The following PCNX4 variants were observed in gnomAD, a reference collection of about 807,000 sequenced individuals.
PCNX4 encodes the protein pecanex 4.
In PCNX4, 103 loss-of-function variants were observed where a neutral mutation model predicts 107.2. That is an observed-to-expected ratio of 0.96 (90% CI 0.82 to 1.13). PCNX4 has a LOEUF of 1.13. PCNX4 is among the 50% of genes most tolerant of loss of function. PCNX4 has a pLI of 0.00. For missense variants in PCNX4, 1,528 were observed against 1,379.4 expected (o/e 1.11, Z -1.71); for synonymous variants, 541 against 481.7 (o/e 1.12, Z -1.61).
At chr14:60,101,120 A>G (rs916005614) in intron 1 of PCNX4, among the ~76,000 whole-genome samples, 4 of 152,156 alleles carry the variant, frequency 2.6e-5, no homozygotes, top group African/African-American at 9.7e-5. Flanking sequence ...AACTCATCCT[A>G]TTGTCAACCA....
In PCNX4 at chr14:60,108,147, C is replaced by T. The variant is rs754108930; in HGVS notation, c.509C>T (p.Thr170Ile). ...PNRITLLYGS[T>I]GGTALLFFFG... ...AGAATAACCTTGCTGTATGGCAGTA[C>T]AGGAGGCACTGCTCTACTATTCTTC... Residue 170 changes from threonine (T) to isoleucine (I), a missense_variant, in exon 2 of 11, where the codon ACA (threonine) becomes ATA (isoleucine). By Grantham distance (89) the Thr-to-Ile change is moderately conservative. Transcript: ENST00000406854. 2.4e-5 allele frequency: 38 copies of T among 1,612,846 alleles called. No individual in the cohort carries two copies. The highest frequency in any genetic ancestry group is 3.1e-5 in the Non-Finnish European group (37 of 1,179,868).
In PCNX4 at chr14:60,114,684, C is replaced by T. The variant is rs770146161; in HGVS notation, c.690-16C>T. ...ATATATTTCGTGTGATTTAAATGTT[C>T]TTTTTTTTTATATAGGTTTGTGGTA... is the stretch of plus-strand genomic sequence containing the variant. On this transcript the variant is annotated splice_polypyrimidine_tract_variant and intron_variant, in intron 2 of 10. Coordinates refer to ENST00000406854, the MANE Select transcript of PCNX4 (RefSeq NM_001330177.2). The T allele has an allele frequency of 6.4e-7, 1 of 1,566,646 alleles. No individual in the cohort carries two copies. Among genetic ancestry groups the T allele is most frequent in the East Asian group, 2.3e-5 (1 of 43,916 alleles).
intron 7 of PCNX4, 56 bp downstream of exon 7, chr14:60,118,748 AAAT>A: frequency 6.8e-7 from 1 of 1,471,982 alleles, no homozygotes; most frequent in Non-Finnish European, 9.0e-7. Flanking sequence ...AAGTACAAAA[AAAT>A]AACAAACAGG....
At chr14:60,093,890 G>T (rs1197031815) in intron 1 of PCNX4, among the ~76,000 whole-genome samples, 2 of 152,096 alleles carry the variant, frequency 1.3e-5, no homozygotes, top group Non-Finnish European at 2.9e-5. Context: ...CAGTCAAGGA[G>T]GTTTGAAATG....
chr14:60,113,954 C>T (rs562508335), intron 2 of PCNX4, among the ~76,000 whole-genome samples: 1 of 152,232 alleles, frequency 6.6e-6, no homozygotes, highest in South Asian at 2.1e-4. Context: ...TTGAGTTTCT[C>T]CACTTAAGGT....
rs1453890345 is a variant in PCNX4 at position 60,146,625 on chromosome 14, A to G, written c.*12404A>G. On this transcript the variant is annotated 3_prime_UTR_variant, in exon 11 of 11. Transcript: ENST00000406854. This position sits in a 1 kb window ranked among gnomAD's most constrained non-coding sequence, Gnocchi z 4.9. ...ATTATTCATAATAGCCAAGATATGG[A>G]AACAACCTAAGTGTCCATTAGTGAA... 2 of 152,186 alleles carry G rather than the reference A, an allele frequency of 1.3e-5. No homozygotes were observed. The highest frequency in any genetic ancestry group is 4.8e-5 in the African/African-American group (2 of 41,432). The allele number at this position is 152,186 out of a possible 1,614,324, so 9.4% of individuals were successfully genotyped here.
At chr14:60,126,817 A>G (rs549153559) in intron 10 of PCNX4, among the ~76,000 whole-genome samples, 2 of 152,324 alleles carry the variant, frequency 1.3e-5, no homozygotes, top group South Asian at 4.1e-4. Context: ...GTGTGATGCC[A>G]CTGAAAATAC....
chr14:60,136,950 A>G lies in PCNX4; in HGVS notation c.*2729A>G, dbSNP rs1235316358. 6.6e-6 allele frequency: 1 copy of G among 152,502 alleles called. No homozygotes were observed. Among genetic ancestry groups the G allele is most frequent in the Non-Finnish European group, 1.5e-5 (1 of 68,048 alleles). The allele number at this position is 152,502 out of a possible 1,614,324, so 9.4% of individuals were successfully genotyped here. A position where few individuals can be genotyped will look rare whatever the true frequency, so the allele number is the denominator to read the frequency against. On this transcript the variant is annotated 3_prime_UTR_variant, in exon 11 of 11. Transcript: ENST00000406854. The stretch of plus-strand genomic sequence containing the variant: ...AGGTCTGCAAAATAGCGGGGAGCTT[A>G]CAAAATGGTGCAGTTTGGACTAACA...
chr14:60,107,982 A>C lies in PCNX4; in HGVS notation c.344A>C (p.Glu115Ala), dbSNP rs1191162184. The C allele has an allele frequency of 6.2e-7, 1 of 1,612,870 alleles. No homozygotes were observed. Among genetic ancestry groups the C allele is most frequent in the Non-Finnish European group, 8.5e-7 (1 of 1,179,850 alleles). ...ACGGATATCTTAGCAGAGGAGGATGAGCATGAATTTACCAGTTGTACTGGT... is the reference window on the plus strand; with the variant it reads ...ACGGATATCTTAGCAGAGGAGGATGCGCATGAATTTACCAGTTGTACTGGT... Reference protein sequence around the residue: ...LTTDILAEEDEHEFTSCTGAE... With the variant: ...LTTDILAEEDAHEFTSCTGAE... The change falls in exon 2 of 11, where the codon GAG becomes GCG. Residue 115 changes from glutamate (E) to alanine (A), a missense_variant. Transcript: ENST00000406854.
intron 10 of PCNX4, among the ~76,000 whole-genome samples, chr14:60,131,048 A>G (rs1387376493): frequency 6.6e-6 from 1 of 152,146 alleles, no homozygotes; most frequent in Admixed American, 6.5e-5. Context: ...TGCTTAGAAC[A>G]GAATAAGAAG....
chr14:60,102,669 T>A (rs1202086000), intron 1 of PCNX4, among the ~76,000 whole-genome samples: 1 of 152,210 alleles, frequency 6.6e-6, no homozygotes, highest in Admixed American at 6.5e-5. Context: ...CCTTAAGTTC[T>A]CTTTTCACAG....
chr14:60,134,393 C>T lies in PCNX4; in HGVS notation c.*172C>T. 1.4e-6 allele frequency: 1 copy of T among 716,246 alleles called. No individual in the cohort carries two copies. Among genetic ancestry groups the T allele is most frequent in the African/African-American group, 1.8e-5 (1 of 56,624 alleles). The allele number at this position is 716,246 out of a possible 1,614,324, so 44.4% of individuals were successfully genotyped here. ...TAGCCATCTTAATGGTTCTAAAAAACAGCAAAAACATCTTTATGTCTAAGA... is the reference window on the plus strand; with the variant it reads ...TAGCCATCTTAATGGTTCTAAAAAATAGCAAAAACATCTTTATGTCTAAGA... On this transcript the variant is annotated 3_prime_UTR_variant, in exon 11 of 11. Transcript: ENST00000406854.
chr14:60,144,468 C>T lies in PCNX4; in HGVS notation c.*10247C>T, dbSNP rs1896347572. On this transcript the variant is annotated 3_prime_UTR_variant, in exon 11 of 11. Coordinates refer to ENST00000406854, the MANE Select transcript of PCNX4 (RefSeq NM_001330177.2). ...TTTGAAAGCATTTTGCTCCTCTTTC[C>T]CTTCTGTCCCTTCCACCATGTGAGG... 6.5e-6 allele frequency: 1 copy of T among 153,822 alleles called. No homozygotes were observed. 9.5% of individuals were successfully genotyped at this position (153,822 alleles called of 1,614,324 possible).
chr14:60,125,334 T>G, intron 9 of PCNX4, 83 bp downstream of exon 9: 1 of 1,312,242 alleles, frequency 7.6e-7, no homozygotes, highest in Non-Finnish European at 1.0e-6. Flanking sequence ...AAGACAGTTA[T>G]TCGTTTCTAG....
chr14:60,107,766 A>G lies in PCNX4; in HGVS notation c.128A>G (p.Asn43Ser). 6.2e-7 allele frequency: 1 copy of G among 1,612,766 alleles called. No homozygotes were observed. Among genetic ancestry groups the G allele is most frequent in the South Asian group, 1.1e-5 (1 of 91,082 alleles). ...TGTGCCCCTCCTTACATATATGTTAATCAAATTATTCTTTTTCTAATGCCA... is the reference window on the plus strand; with the variant it reads ...TGTGCCCCTCCTTACATATATGTTAGTCAAATTATTCTTTTTCTAATGCCA... ...GYCAPPYIYVNQIILFLMPWV... is the reference protein window; with the variant it reads ...GYCAPPYIYVSQIILFLMPWV... Residue 43 changes from asparagine (N) to serine (S), a missense_variant, in exon 2 of 11, where the codon AAT becomes AGT. By Grantham distance (46) the Asn-to-Ser change is conservative (BLOSUM62 1). Coordinates refer to ENST00000406854, the MANE Select transcript of PCNX4 (RefSeq NM_001330177.2).
intron 8 of PCNX4, among the ~76,000 whole-genome samples, chr14:60,123,698 CAGTAACCAA>C (rs1262456339): frequency 7.2e-5 from 11 of 152,052 alleles, no homozygotes; most frequent in Admixed American, 5.9e-4. Flanking sequence ...ACTGACATAG[CAGTAACCAA>C]AGTAATCAAA....
In PCNX4 at chr14:60,125,807, G is replaced by A; in HGVS notation, c.3251G>A (p.Gly1084Glu). 6.2e-7 allele frequency: 1 copy of A among 1,604,400 alleles called. No individual in the cohort carries two copies. Among genetic ancestry groups the A allele is most frequent in the Non-Finnish European group, 8.5e-7 (1 of 1,176,092 alleles). ...GAAAAGCCATACTTGTTTTCTCTGG[G>A]GTATGATTCTAATATGGTAAGGTTA... Reference protein sequence around the residue: ...LQEKPYLFSLGYDSNMGIYTG... With the variant: ...LQEKPYLFSLEYDSNMGIYTG... The change falls in exon 10 of 11, where the codon GGG becomes GAG. Residue 1084 changes from glycine to glutamate, a missense_variant. Coordinates refer to ENST00000406854, the MANE Select transcript of PCNX4 (RefSeq NM_001330177.2).
chr14:60,118,465 T>G lies in PCNX4; in HGVS notation c.1715T>G (p.Phe572Cys). ...ACTTTATGTATACTCAACATTGTCT[T>G]TTCTCCATTCGTGTTGGTCATCATA... ...TATLCILNIV[F>C]SPFVLVIIVF... The change falls in exon 7 of 11, where the codon TTT (phenylalanine) becomes TGT (cysteine). Residue 572 changes from phenylalanine (F) to cysteine (C), a missense_variant. Transcript: ENST00000406854. The G allele has an allele frequency of 6.2e-7, 1 of 1,613,742 alleles. No individual in the cohort carries two copies. Among genetic ancestry groups the G allele is most frequent in the South Asian group, 1.1e-5 (1 of 91,068 alleles).
chr14:60,096,771 T>C (rs1488685882), intron 1 of PCNX4, among the ~76,000 whole-genome samples: 1 of 152,232 alleles, frequency 6.6e-6, no homozygotes, highest in Non-Finnish European at 1.5e-5. Flanking sequence ...GTGATTTCTT[T>C]GCTCCCAACA....
Sources: allele counts gnomAD v4.1 joint callset (sites outside exome capture counted in the v4.1 genomes callset), GRCh38; gene constraint gnomAD v4.1.1; non-coding constraint Gnocchi (gnomAD v3.1); transcripts MANE v1.5; gene names NCBI Gene and HGNC (gene_info 2026-07-23, HGNC 2026-07-21).